The following MAGI2 variants were observed in gnomAD, a reference collection of about 807,000 sequenced individuals.
The protein encoded by MAGI2 is membrane associated guanylate kinase, WW and PDZ domain containing 2, also known as membrane-associated guanylate kinase, WW and PDZ domain-containing protein 2.
A neutral mutation model predicts 133.3 loss-of-function variants in MAGI2; 35 were observed. That is an observed-to-expected ratio of 0.26 (90% confidence interval 0.20 to 0.35). MAGI2 has a LOEUF of 0.35. MAGI2 is among the 10% of genes least tolerant of loss of function. The pLI is 1.00. For missense variants in MAGI2, 1,636 were observed against 1,863.4 expected, an observed-to-expected ratio of 0.88 and a Z score of 2.25; for synonymous variants, 729 against 710.6, an observed-to-expected ratio of 1.03 and a Z score of -0.41.
chr7:78,210,404 A>G (rs79150410), intron 10 of MAGI2, among the ~76,000 whole-genome samples: 3,398 of 152,270 alleles, frequency 0.022, 127 homozygotes, highest in African/African-American at 0.078. Flanking sequence ...AAAGGAGAAG[A>G]TGAAATCTGT....
intron 2 of MAGI2, among the ~76,000 whole-genome samples, chr7:78,789,577 G>C (rs1265566822): frequency 6.6e-6 from 1 of 151,858 alleles, no homozygotes; most frequent in Admixed American, 6.6e-5. Context: ...AAGTTTGATG[G>C]ATACATAATA....
intron 2 of MAGI2, among the ~76,000 whole-genome samples, chr7:78,886,787 T>C (rs1248766318): frequency 1.3e-5 from 2 of 152,328 alleles, no homozygotes; most frequent in Middle Eastern, 3.4e-3. Flanking sequence ...TCCTTTGAGC[T>C]CTCAATTATA....
At chr7:79,136,871 G>C (rs1821627675) in intron 1 of MAGI2, among the ~76,000 whole-genome samples, 1 of 152,194 alleles carries the variant, frequency 6.6e-6, no homozygotes, top group Non-Finnish European at 1.5e-5. Flanking sequence ...GGAGGAGGAC[G>C]AGAATGAGAA....
chr7:78,298,906 C>T lies in MAGI2; in HGVS notation c.1409-42325G>A, dbSNP rs184482859. 4.7e-5 allele frequency among the ~76,000 whole-genome samples: 7 copies of T among 150,160 alleles called. No homozygotes were observed. The East Asian group carries it at 1.4e-3, about 30-fold the overall frequency. On this transcript the variant is annotated intron_variant, in intron 9 of 21. Transcript: ENST00000354212. The stretch of plus-strand genomic sequence containing the variant: ...TCTCAGCTCACTGCAACCTCTGCCT[C>T]CCAGGTTCAAGCAATTCTCCTGTCT...
chr7:78,183,268 ATTT>A (rs35853118), intron 13 of MAGI2, among the ~76,000 whole-genome samples: 1 of 137,424 alleles, frequency 7.3e-6, no homozygotes, highest in African/African-American at 2.7e-5. Flanking sequence ...GTATTTTTGT[ATTT>A]TTTTTTTTTT....
rs566973106 is a variant in MAGI2 at position 78,450,614 on chromosome 7, A to C, written c.1045+39147T>G. 1.3e-4 allele frequency among the ~76,000 whole-genome samples: 20 copies of C among 152,122 alleles called. No homozygotes were observed. The South Asian group carries it at 4.1e-3, about 32-fold the overall frequency. On this transcript the variant is annotated intron_variant, in intron 6 of 21. Coordinates refer to ENST00000354212, the MANE Select transcript of MAGI2 (RefSeq NM_012301.4). ...GTGTGATTAAAACAGGTCTTTATTAACTTGAGGGTGACAAGAACATTTCTC... is the reference window on the plus strand; with the variant it reads ...GTGTGATTAAAACAGGTCTTTATTACCTTGAGGGTGACAAGAACATTTCTC...
chr7:78,848,293 T>G (rs1792803801), intron 2 of MAGI2, among the ~76,000 whole-genome samples: 1 of 151,796 alleles, frequency 6.6e-6, no homozygotes, highest in South Asian at 2.1e-4. Context: ...CATCCTTGAT[T>G]CTCCTCATTC....
intron 1 of MAGI2, among the ~76,000 whole-genome samples, chr7:79,296,465 A>C (rs2129559294): frequency 6.6e-6 from 1 of 152,326 alleles, no homozygotes; most frequent in African/African-American, 2.4e-5. Context: ...TGGATAGAGA[A>C]AATGTGGTAT....
At chr7:79,409,660 C>G (rs1450763578) in intron 1 of MAGI2, among the ~76,000 whole-genome samples, 1 of 151,946 alleles carries the variant, frequency 6.6e-6, no homozygotes, top group Non-Finnish European at 1.5e-5. Flanking sequence ...ATAATGAGTC[C>G]TAAGGCAAGT....
At chr7:78,733,031 A>T (rs1821517682) in intron 2 of MAGI2, among the ~76,000 whole-genome samples, 1 of 152,168 alleles carries the variant, frequency 6.6e-6, no homozygotes, top group African/African-American at 2.4e-5. Context: ...GGGGCTGTGC[A>T]AGGAAATGGC....
chr7:78,220,149 T>C (rs927475426), intron 10 of MAGI2, among the ~76,000 whole-genome samples: 9 of 152,172 alleles, frequency 5.9e-5, no homozygotes, highest in African/African-American at 2.2e-4. Flanking sequence ...CATTTGCAGC[T>C]CTCAGAACAC....
At chr7:79,151,152 A>G (rs1371676699) in intron 1 of MAGI2, among the ~76,000 whole-genome samples, 1 of 152,152 alleles carries the variant, frequency 6.6e-6, no homozygotes, top group Non-Finnish European at 1.5e-5. Context: ...ACTTTCTTGC[A>G]TATTTTCAGG....
intron 7 of MAGI2, among the ~76,000 whole-genome samples, chr7:78,355,412 G>T (rs985801738): frequency 1.1e-4 from 17 of 152,160 alleles, no homozygotes; most frequent in African/African-American, 3.9e-4. Flanking sequence ...TGTCAGCCTT[G>T]TAAAAAAACA....
chr7:78,066,370 G>A (rs532103351), intron 21 of MAGI2, among the ~76,000 whole-genome samples: 93 of 151,832 alleles, frequency 6.1e-4, no homozygotes, highest in African/African-American at 2.2e-3. Flanking sequence ...GTTGAGGCAA[G>A]AGAATCACTT....
chr7:78,462,643 C>A (rs1234406578), intron 6 of MAGI2, among the ~76,000 whole-genome samples: 1 of 152,110 alleles, frequency 6.6e-6, no homozygotes, highest in South Asian at 2.1e-4. Context: ...ATTGCAAAAC[C>A]TTTTTCGCAA....
intron 1 of MAGI2, among the ~76,000 whole-genome samples, chr7:79,162,608 C>T (rs571314706): frequency 1.3e-5 from 2 of 152,046 alleles, no homozygotes; most frequent in Non-Finnish European, 2.9e-5. Context: ...CCACTCCAAC[C>T]ATAAGGAATT....
chr7:79,426,627 T>C (rs996055878), intron 1 of MAGI2, among the ~76,000 whole-genome samples: 1 of 152,168 alleles, frequency 6.6e-6, no homozygotes, highest in Admixed American at 6.5e-5. Context: ...TCAAAGAACA[T>C]TGGGCATTTA....
chr7:78,621,819 C>A (rs1807776336), intron 3 of MAGI2, among the ~76,000 whole-genome samples: 1 of 151,940 alleles, frequency 6.6e-6, no homozygotes, highest in Non-Finnish European at 1.5e-5. Context: ...AACCAAAGGA[C>A]AAATTATGCT....
intron 2 of MAGI2, among the ~76,000 whole-genome samples, chr7:78,776,420 T>G (rs2151330189): frequency 6.6e-6 from 1 of 152,242 alleles, no homozygotes; most frequent in East Asian, 1.9e-4. Flanking sequence ...AGATGGTCTC[T>G]TGAGACATTT....
Sources: gnomAD v4.1 joint callset for allele counts (sites outside exome capture counted in the v4.1 genomes callset) on GRCh38, gnomAD v4.1.1 for gene constraint, MANE v1.5 for transcripts, NCBI Gene and HGNC (gene_info 2026-07-23, HGNC 2026-07-21) for gene names.